Variants in BACH2 observed in about 807,000 individuals in gnomAD.
BACH2 encodes the protein transcription regulator protein BACH2.
In BACH2, 5 loss-of-function variants were observed where a neutral mutation model predicts 61.8. The ratio of observed to expected loss-of-function variants is 0.08; its 90% CI spans 0.04 to 0.17. The LOEUF (loss-of-function observed/expected upper bound fraction) is 0.17, where lower values mean the gene tolerates loss of function less well. Among genes scored for constraint, BACH2 ranks in the 10% least tolerant of loss-of-function variants. BACH2 has a pLI of 1.00. For synonymous variants in BACH2, 446 were observed against 440.1 expected, an observed-to-expected ratio of 1.01 and a Z score of -0.17; for missense variants, 824 against 1,091.1, an observed-to-expected ratio of 0.76 and a Z score of 3.45.
chr6:90,259,431 A>G (rs1162215371), intron 2 of BACH2, among the ~76,000 whole-genome samples: 1 of 152,210 alleles, frequency 6.6e-6, no homozygotes, highest in African/African-American at 2.4e-5. Context: ...CCACTTAGTC[A>G]TGACATGTAA....
At chr6:90,098,101 A>G (rs1312311313) in intron 4 of BACH2, among the ~76,000 whole-genome samples, 1 of 152,138 alleles carries the variant, frequency 6.6e-6, no homozygotes, top group African/African-American at 2.4e-5. Context: ...GTAAAATAGT[A>G]TTTCTTGGAA....
chr6:90,147,375 G>A (rs979263216), intron 4 of BACH2, among the ~76,000 whole-genome samples: 3 of 152,024 alleles, frequency 2.0e-5, no homozygotes, highest in East Asian at 1.9e-4. Context: ...ATTATCTCAC[G>A]TTTTTCTCTG....
chr6:89,997,028 CA>C (rs1776886652), intron 6 of BACH2, among the ~76,000 whole-genome samples: 3 of 151,936 alleles, frequency 2.0e-5, no homozygotes, highest in African/African-American at 7.3e-5. Flanking sequence ...CACACACACA[CA>C]CATGCATGCT....
At chr6:89,946,221 A>C (rs1773709960) in intron 7 of BACH2, among the ~76,000 whole-genome samples, 1 of 152,196 alleles carries the variant, frequency 6.6e-6, no homozygotes, top group Non-Finnish European at 1.5e-5. Flanking sequence ...ATTCACAGGA[A>C]AGGAAATATA....
intron 4 of BACH2, among the ~76,000 whole-genome samples, chr6:90,129,858 T>G (rs1033804183): frequency 1.5e-5 from 2 of 131,024 alleles, no homozygotes; most frequent in African/African-American, 6.3e-5. Context: ...GTTCAAGAAG[T>G]TTTTTTTTTG....
intron 6 of BACH2, among the ~76,000 whole-genome samples, chr6:89,969,050 CTTTTTTT>C (rs76254643): frequency 8.8e-6 from 1 of 113,964 alleles, no homozygotes; most frequent in African/African-American, 3.3e-5. Flanking sequence ...AAAATGTAGT[CTTTTTTT>C]TTTTTTTTTT....
chr6:90,032,943 A>G (rs1779075140), intron 5 of BACH2, among the ~76,000 whole-genome samples: 1 of 152,296 alleles, frequency 6.6e-6, no homozygotes, highest in Non-Finnish European at 1.5e-5. Context: ...AATAGCAAAG[A>G]CTTGGAACCA....
chr6:90,181,462 G>A (rs867159657), intron 4 of BACH2, among the ~76,000 whole-genome samples: 1 of 147,438 alleles, frequency 6.8e-6, no homozygotes, highest in Non-Finnish European at 1.5e-5. Context: ...AAAAGTTGTT[G>A]TTTTTTTTTT....
At chr6:89,954,570 A>G (rs749921423) in intron 6 of BACH2, among the ~76,000 whole-genome samples, 3 of 147,568 alleles carry the variant, frequency 2.0e-5, no homozygotes, top group Non-Finnish European at 4.5e-5. Context: ...ACTATCTTCC[A>G]CTGTGGCCTC....
intron 4 of BACH2, among the ~76,000 whole-genome samples, chr6:90,141,495 T>TC (rs1784459900): frequency 6.6e-6 from 1 of 151,526 alleles, no homozygotes; most frequent in Non-Finnish European, 1.5e-5. Flanking sequence ...TCCCGTTTTT[T>TC]TTTTTTTTTT....
At chr6:90,001,186 T>C (rs1490156153) in intron 6 of BACH2, 2 of 152,294 alleles carry the variant, frequency 1.3e-5, no homozygotes, top group African/African-American at 4.8e-5. Context: ...ATCATCAAGT[T>C]TTCTCTCTCT....
At chr6:90,268,950 G>A (rs1023446714) in intron 2 of BACH2, among the ~76,000 whole-genome samples, 1 of 152,102 alleles carries the variant, frequency 6.6e-6, no homozygotes, top group Admixed American at 6.6e-5. Context: ...TTCTTGTCAG[G>A]AAAAATGAAC....
At chr6:90,028,915 T>A (rs191443430) in intron 5 of BACH2, among the ~76,000 whole-genome samples, 1 of 152,332 alleles carries the variant, frequency 6.6e-6, no homozygotes, top group East Asian at 1.9e-4. Flanking sequence ...CATAGAACTG[T>A]GAGGATTAAA....
chr6:90,015,311 C>T (rs1023692750), intron 5 of BACH2, among the ~76,000 whole-genome samples: 1 of 151,892 alleles, frequency 6.6e-6, no homozygotes, highest in Non-Finnish European at 1.5e-5. Context: ...CTTTATTTTG[C>T]TTACTTTGGG....
intron 5 of BACH2, among the ~76,000 whole-genome samples, chr6:90,015,845 T>C (rs1229591782): frequency 2.6e-5 from 4 of 152,216 alleles, no homozygotes; most frequent in Non-Finnish European, 5.9e-5. Flanking sequence ...GGTTCCGTCA[T>C]GTATTGAGAA....
At chr6:90,178,067 G>A (rs1427985163) in intron 4 of BACH2, among the ~76,000 whole-genome samples, 1 of 152,124 alleles carries the variant, frequency 6.6e-6, no homozygotes, top group South Asian at 2.1e-4. Flanking sequence ...CCAGAAACAC[G>A]CTTTCTATAA....
chr6:90,160,004 C>A (rs1376289088), intron 4 of BACH2, among the ~76,000 whole-genome samples: 2 of 152,178 alleles, frequency 1.3e-5, no homozygotes, highest in East Asian at 3.8e-4. Flanking sequence ...TTGACATCTG[C>A]TGATAAGCTG....
At chr6:90,150,123 C>A (rs982805228) in intron 4 of BACH2, among the ~76,000 whole-genome samples, 4 of 152,126 alleles carry the variant, frequency 2.6e-5, no homozygotes, top group African/African-American at 9.7e-5. Context: ...AGCACCAGAG[C>A]CTTCTCTGTA....
chr6:90,005,403 T>G (rs1777355420), intron 6 of BACH2, among the ~76,000 whole-genome samples: 1 of 152,118 alleles, frequency 6.6e-6, no homozygotes, highest in South Asian at 2.1e-4. Context: ...TTTAAAGATT[T>G]CCAAGGAGCT....
Sources: allele counts gnomAD v4.1 joint callset (sites outside exome capture counted in the v4.1 genomes callset), GRCh38; gene constraint gnomAD v4.1.1; transcripts MANE v1.5; gene names NCBI Gene and HGNC (gene_info 2026-07-23, HGNC 2026-07-21).